AFAP1L1: variants seen among roughly 807,000 people sequenced by gnomAD.
AFAP1L1 encodes actin filament-associated protein 1-like 1.
In AFAP1L1, 77 loss-of-function variants were observed where a neutral mutation model predicts 99.8. The observed-to-expected ratio is 0.77, with a 90% CI of 0.64 to 0.93. The LOEUF (loss-of-function observed/expected upper bound fraction) is 0.93. Among genes scored for constraint, AFAP1L1 ranks in the 40% least tolerant of loss-of-function variants. AFAP1L1 has a pLI of 0.00. For synonymous variants in AFAP1L1, 373 were observed against 395.3 expected, an observed-to-expected ratio of 0.94 and a Z score of 0.67; for missense variants, 893 against 996.8, an observed-to-expected ratio of 0.90 and a Z score of 1.40.
intron 1 of AFAP1L1, among the ~76,000 whole-genome samples, chr5:149,276,277 C>A (rs1391952324): frequency 6.6e-6 from 1 of 152,202 alleles, no homozygotes; most frequent in African/African-American, 2.4e-5. Context: ...AGAATGGAAA[C>A]AAACGCCGAA....
intron 11 of AFAP1L1, among the ~76,000 whole-genome samples, 198 bp from the exon 12 acceptor site, chr5:149,317,531 A>C (rs1756828828): frequency 6.6e-6 from 1 of 152,218 alleles, no homozygotes; most frequent in Non-Finnish European, 1.5e-5. Flanking sequence ...AGATGTAGGA[A>C]TGCCATTATC....
At chr5:149,318,783 G>A (rs1756869859) in intron 12 of AFAP1L1, among the ~76,000 whole-genome samples, 1 of 152,142 alleles carries the variant, frequency 6.6e-6, no homozygotes, top group African/African-American at 2.4e-5. Flanking sequence ...ACTACCTTCT[G>A]CCATTACAGA....
chr5:149,302,769 A>G, intron 5 of AFAP1L1: 1 of 399,468 alleles, frequency 2.5e-6, no homozygotes, highest in Non-Finnish European at 4.6e-6. Context: ...GTGGCCTTGG[A>G]AAATCCCCTT....
At chr5:149,315,078 C>T (rs1255338224) in intron 9 of AFAP1L1, among the ~76,000 whole-genome samples, 1 of 152,202 alleles carries the variant, frequency 6.6e-6, no homozygotes, top group Non-Finnish European at 1.5e-5. Flanking sequence ...AGAGAGTCAT[C>T]ATTGCTTCCA....
chr5:149,286,003 A>G (rs1487162426), intron 1 of AFAP1L1, among the ~76,000 whole-genome samples: 1 of 152,198 alleles, frequency 6.6e-6, no homozygotes, highest in East Asian at 1.9e-4. Flanking sequence ...ATGGATTCAC[A>G]GTGGACATCG....
chr5:149,312,745 C>T (rs181651187), intron 9 of AFAP1L1, among the ~76,000 whole-genome samples: 168 of 151,814 alleles, frequency 1.1e-3, no homozygotes, highest in Non-Finnish European at 1.6e-3. Flanking sequence ...GCCACGATTG[C>T]GTCACTGCAC....
chr5:149,316,929 C>T (rs1756814319), intron 11 of AFAP1L1, among the ~76,000 whole-genome samples: 1 of 152,170 alleles, frequency 6.6e-6, no homozygotes, highest in South Asian at 2.1e-4. Flanking sequence ...CTTTGGGAGG[C>T]TGAGGAGGGA....
At chr5:149,290,214 C>G (rs987553247) in intron 1 of AFAP1L1, among the ~76,000 whole-genome samples, 2 of 152,206 alleles carry the variant, frequency 1.3e-5, no homozygotes, top group Non-Finnish European at 2.9e-5. Flanking sequence ...GCCTGGGCAA[C>G]AGAGCCTCTG....
intron 1 of AFAP1L1, among the ~76,000 whole-genome samples, chr5:149,274,761 C>T (rs1246595747): frequency 6.6e-6 from 1 of 151,996 alleles, no homozygotes; most frequent in African/African-American, 2.4e-5. Context: ...CGCCTGTAAT[C>T]CCAGCTACTC....
At chr5:149,313,259 C>T (rs1756693422) in intron 9 of AFAP1L1, among the ~76,000 whole-genome samples, 1 of 152,166 alleles carries the variant, frequency 6.6e-6, no homozygotes, top group Non-Finnish European at 1.5e-5. Flanking sequence ...AACAAAGGGC[C>T]TCAGACCCAA....
intron 7 of AFAP1L1, 114 bp downstream of exon 7, chr5:149,307,727 A>C (rs531340269): frequency 3.0e-5 from 35 of 1,148,630 alleles, no homozygotes; most frequent in Non-Finnish European, 3.7e-5. Context: ...GACTGTGTGC[A>C]CAGAAGCTCA....
chr5:149,281,635 G>A (rs920843780), intron 1 of AFAP1L1, among the ~76,000 whole-genome samples: 3 of 152,210 alleles, frequency 2.0e-5, no homozygotes, highest in African/African-American at 7.2e-5. Context: ...AGTAGATACT[G>A]TCATATTCCC....
intron 16 of AFAP1L1, among the ~76,000 whole-genome samples, chr5:149,330,736 C>T (rs1204570247): frequency 6.6e-6 from 1 of 152,124 alleles, no homozygotes; most frequent in South Asian, 2.1e-4. Context: ...CTCTCCTTGT[C>T]CTGCTCAATT....
intron 1 of AFAP1L1, among the ~76,000 whole-genome samples, chr5:149,298,496 C>T (rs1246085126): frequency 6.6e-6 from 1 of 152,058 alleles, no homozygotes; most frequent in Non-Finnish European, 1.5e-5. Flanking sequence ...TTTCATCCTC[C>T]ATGTAATGAA....
At chr5:149,284,413 C>G (rs1755615768) in intron 1 of AFAP1L1, among the ~76,000 whole-genome samples, 1 of 152,224 alleles carries the variant, frequency 6.6e-6, no homozygotes, top group African/African-American at 2.4e-5. Context: ...TAACAGTCTC[C>G]TATCTACGAT....
At chr5:149,325,527 AT>A (rs1233044832) in intron 15 of AFAP1L1, among the ~76,000 whole-genome samples, 1 of 152,148 alleles carries the variant, frequency 6.6e-6, no homozygotes, top group Non-Finnish European at 1.5e-5. Flanking sequence ...TGGGGCCCTG[AT>A]TGCCCTCATC....
chr5:149,340,263 G>A lies in AFAP1L1; in HGVS notation c.*233G>A, dbSNP rs1303261420. 2.3e-5 allele frequency: 12 copies of A among 519,604 alleles called. No homozygotes were observed. In the Admixed American group the frequency reaches 2.8e-4, roughly 12 times the overall value. The allele number at this position is 519,604 out of a possible 1,614,324, so 32.2% of individuals were successfully genotyped here. A position where few individuals can be genotyped will look rare whatever the true frequency, so the allele number is the denominator to read the frequency against. On this transcript the variant is annotated 3_prime_UTR_variant, in exon 19 of 19. Coordinates refer to ENST00000296721, the MANE Select transcript of AFAP1L1 (RefSeq NM_152406.4). Reference sequence around the variant, plus strand: ...TTATGACTTTACAAAGGGTGGAAATGAGGATGGAGGGATACAGAAGTCTGC... The same window carrying A: ...TTATGACTTTACAAAGGGTGGAAATAAGGATGGAGGGATACAGAAGTCTGC...
At chr5:149,324,536 G>A (rs543224992) in intron 15 of AFAP1L1, among the ~76,000 whole-genome samples, 4 of 152,298 alleles carry the variant, frequency 2.6e-5, no homozygotes, top group Admixed American at 2.0e-4. Context: ...ATTGCCTATT[G>A]CTACATAAGA....
chr5:149,287,506 C>T (rs1306535920), intron 1 of AFAP1L1, among the ~76,000 whole-genome samples: 1 of 152,012 alleles, frequency 6.6e-6, no homozygotes, highest in Non-Finnish European at 1.5e-5. Flanking sequence ...ATATGGCATG[C>T]ATGGGCCTAT....
Sources: gnomAD v4.1 joint callset for allele counts (sites outside exome capture counted in the v4.1 genomes callset) on GRCh38, gnomAD v4.1.1 for gene constraint, MANE v1.5 for transcripts, NCBI Gene and HGNC (gene_info 2026-07-23, HGNC 2026-07-21) for gene names.